Variants in CD2AP observed in about 807,000 individuals in gnomAD.
CD2AP encodes the protein CD2-associated protein.
CD2AP carries 46 observed loss-of-function variants against 85.1 expected under a neutral mutation model. That is an observed-to-expected ratio of 0.54 (90% CI 0.43 to 0.69). The LOEUF is 0.69. Among genes scored for constraint, CD2AP ranks in the 30% least tolerant of loss-of-function variants. The pLI, the probability that CD2AP is intolerant of heterozygous loss-of-function variation, is 0.00. For synonymous variants in CD2AP, 255 were observed against 252.9 expected, an observed-to-expected ratio of 1.01 and a Z score of -0.08; for missense variants, 769 against 729.5, an observed-to-expected ratio of 1.05 and a Z score of -0.62.
intron 14 of CD2AP, among the ~76,000 whole-genome samples, chr6:47,606,948 C>T (rs1769292669): frequency 6.6e-6 from 1 of 151,982 alleles, no homozygotes; most frequent in Non-Finnish European, 1.5e-5. Context: ...AACCATCCCC[C>T]CATCCCTACC....
intron 2 of CD2AP, among the ~76,000 whole-genome samples, chr6:47,507,193 T>C (rs1420842338): frequency 6.6e-6 from 1 of 152,206 alleles, no homozygotes; most frequent in Non-Finnish European, 1.5e-5. Context: ...GTCACATCTT[T>C]ATGCTTCACT....
chr6:47,529,481 T>G (rs1025036387), intron 2 of CD2AP, among the ~76,000 whole-genome samples: 11 of 152,082 alleles, frequency 7.2e-5, no homozygotes, highest in South Asian at 2.1e-4. Flanking sequence ...CCAGGGATGG[T>G]TCCTACCTGG....
intron 16 of CD2AP, among the ~76,000 whole-genome samples, chr6:47,612,002 A>T (rs1183950630): frequency 6.6e-6 from 1 of 152,054 alleles, no homozygotes; most frequent in Non-Finnish European, 1.5e-5. Context: ...TAGAGTTTTT[A>T]ATTTGTTTGG....
At chr6:47,499,046 C>G (rs910703564) in intron 1 of CD2AP, among the ~76,000 whole-genome samples, 4 of 152,088 alleles carry the variant, frequency 2.6e-5, no homozygotes, top group African/African-American at 9.7e-5. Flanking sequence ...AGTAAGAACC[C>G]TTTTGATATC....
At chr6:47,607,905 T>C in intron 14 of CD2AP, 22 bp from the exon 15 acceptor site, 4 of 1,546,188 alleles carry the variant, frequency 2.6e-6, no homozygotes, top group Non-Finnish European at 3.6e-6. Flanking sequence ...TTATGTCTCT[T>C]GACTTCTAAA....
chr6:47,482,211 A>G (rs919701289), intron 1 of CD2AP, among the ~76,000 whole-genome samples: 1 of 152,236 alleles, frequency 6.6e-6, no homozygotes, highest in Non-Finnish European at 1.5e-5. Flanking sequence ...AATCACTGGC[A>G]AAAGTAATAA....
At chr6:47,508,183 A>G (rs1326044561) in intron 2 of CD2AP, among the ~76,000 whole-genome samples, 2 of 152,230 alleles carry the variant, frequency 1.3e-5, no homozygotes, top group East Asian at 3.8e-4. Context: ...CTTTCTACTT[A>G]TGAAAGTCCT....
rs1300146847 is a variant in CD2AP, at chr6:47,498,129, C to T, written c.5-5151C>T. ...TGTTTTGGTTCATATTTTAATTTTG[C>T]TGGATAACATTATGTAATTTCATAT... On this transcript the variant is annotated intron_variant, in intron 1 of 17. Coordinates refer to ENST00000359314, the MANE Select transcript of CD2AP (RefSeq NM_012120.3). Among the ~76,000 whole-genome samples the T allele has an allele frequency of 2.0e-5, 3 of 152,126 alleles. No homozygotes were observed. In the East Asian group the frequency reaches 5.8e-4, roughly 29 times the overall value.
intron 5 of CD2AP, among the ~76,000 whole-genome samples, chr6:47,561,082 G>T (rs908617287): frequency 6.6e-6 from 1 of 152,100 alleles, no homozygotes; most frequent in Non-Finnish European, 1.5e-5. Context: ...GTATGATTTT[G>T]CTAGTGAGAG....
intron 14 of CD2AP, among the ~76,000 whole-genome samples, chr6:47,607,665 T>C (rs1331337720): frequency 6.6e-6 from 1 of 152,126 alleles, no homozygotes; most frequent in East Asian, 1.9e-4. Context: ...GTTAATGTAT[T>C]AGCTCTTAAA....
At chr6:47,554,083 T>C (rs1767607119) in intron 4 of CD2AP, among the ~76,000 whole-genome samples, 4 of 152,178 alleles carry the variant, frequency 2.6e-5, no homozygotes, top group East Asian at 1.9e-4. Context: ...CAGCTAACTT[T>C]CGTATTTTTT....
At chr6:47,615,778 T>TTTTAA (rs1554129248) in intron 17 of CD2AP, among the ~76,000 whole-genome samples, 48 of 104,658 alleles carry the variant, frequency 4.6e-4, no homozygotes, top group African/African-American at 1.5e-3. Context: ...TTAATTTTAA[T>TTTTAA]TTTAATTTAA....
intron 1 of CD2AP, among the ~76,000 whole-genome samples, chr6:47,480,485 T>C (rs1765414990): frequency 6.6e-6 from 1 of 152,130 alleles, no homozygotes; most frequent in Non-Finnish European, 1.5e-5. Flanking sequence ...AGCTAGAGAG[T>C]TAAAAGCATG....
chr6:47,586,021 A>G (rs902636039), intron 11 of CD2AP, among the ~76,000 whole-genome samples: 3 of 152,218 alleles, frequency 2.0e-5, no homozygotes, highest in African/African-American at 7.2e-5. Context: ...TTGTCTGATT[A>G]AAGATTGCCA....
At chr6:47,536,238 T>G (rs1046076422) in intron 3 of CD2AP, among the ~76,000 whole-genome samples, 1 of 152,062 alleles carries the variant, frequency 6.6e-6, no homozygotes, top group Admixed American at 6.6e-5. Context: ...TTTTTTTTTT[T>G]TGTTACTGTT....
intron 17 of CD2AP, among the ~76,000 whole-genome samples, chr6:47,620,287 A>T (rs1270789732): frequency 6.6e-6 from 1 of 152,200 alleles, no homozygotes; most frequent in African/African-American, 2.4e-5. Context: ...GCGGCTAGCC[A>T]ATTATCCCAG....
chr6:47,538,351 C>T (rs1052188088), intron 3 of CD2AP, among the ~76,000 whole-genome samples: 4 of 152,142 alleles, frequency 2.6e-5, no homozygotes, highest in African/African-American at 4.8e-5. Context: ...AACCGATTCT[C>T]CTGCCCCAAC....
chr6:47,537,790 A>C (rs533506527), intron 3 of CD2AP, among the ~76,000 whole-genome samples: 1 of 151,876 alleles, frequency 6.6e-6, no homozygotes, highest in East Asian at 1.9e-4. Flanking sequence ...ATTGCTAAGG[A>C]TGAGAATTTT....
intron 2 of CD2AP, among the ~76,000 whole-genome samples, chr6:47,530,611 T>C (rs371130008): frequency 1.7e-3 from 261 of 152,352 alleles, no homozygotes; most frequent in African/African-American, 6.1e-3. Flanking sequence ...TTTGGATATT[T>C]ATTACACTGA....
Sources: allele counts gnomAD v4.1 joint callset (sites outside exome capture counted in the v4.1 genomes callset), GRCh38; gene constraint gnomAD v4.1.1; transcripts MANE v1.5; gene names NCBI Gene and HGNC (gene_info 2026-07-23, HGNC 2026-07-21).